Variants in SNX29 observed in about 807,000 individuals in gnomAD.
The protein encoded by SNX29 is sorting nexin-29.
Under a neutral mutation model 102.1 loss-of-function variants are expected in SNX29, and 78 were observed. The observed-to-expected ratio is 0.76, with a 90% CI of 0.64 to 0.92. The LOEUF (loss-of-function observed/expected upper bound fraction) is 0.92, where lower values mean the gene tolerates loss of function less well. SNX29 is among the 40% of genes least tolerant of loss of function. SNX29 has a pLI of 0.00. For missense variants in SNX29, 1,280 were observed against 1,061.7 expected, an observed-to-expected ratio of 1.21 and a Z score of -2.86; for synonymous variants, 580 against 414.5, an observed-to-expected ratio of 1.40 and a Z score of -4.85.
chr16:12,449,616 G>C (rs2086216321), intron 18 of SNX29, among the ~76,000 whole-genome samples: 1 of 152,174 alleles, frequency 6.6e-6, no homozygotes, highest in Admixed American at 6.5e-5. Context: ...CCGTGCTCCA[G>C]CTGTGCATCT....
intron 18 of SNX29, among the ~76,000 whole-genome samples, chr16:12,431,051 C>T (rs1038999237): frequency 9.2e-5 from 14 of 152,102 alleles, no homozygotes; most frequent in South Asian, 2.1e-4. Context: ...GGAGTTTCAC[C>T]GTGTTGGTCA....
chr16:12,468,148 C>T (rs2087151667), intron 18 of SNX29, among the ~76,000 whole-genome samples: 1 of 149,834 alleles, frequency 6.7e-6, no homozygotes, highest in South Asian at 2.1e-4. Flanking sequence ...GTTCCCCTTC[C>T]AGGACTGTCT....
chr16:12,129,934 C>G (rs2054384378), intron 13 of SNX29, among the ~76,000 whole-genome samples, 176 bp downstream of exon 13: 1 of 151,680 alleles, frequency 6.6e-6, no homozygotes, highest in Admixed American at 6.6e-5. Context: ...GAAACCCCGT[C>G]TCTACTAAAA....
chr16:12,315,351 C>G (rs770192913), intron 15 of SNX29, among the ~76,000 whole-genome samples: 1 of 152,176 alleles, frequency 6.6e-6, no homozygotes, highest in African/African-American at 2.4e-5. Context: ...CCTTGTGGAT[C>G]TAACGCCTCT....
At chr16:12,059,630 G>T (rs1442223649) in intron 8 of SNX29, among the ~76,000 whole-genome samples, 4 of 152,212 alleles carry the variant, frequency 2.6e-5, no homozygotes, top group African/African-American at 7.2e-5. Context: ...AATAGGAGCT[G>T]GCAATCCCTG....
chr16:12,371,072 C>G (rs189164845), intron 16 of SNX29, among the ~76,000 whole-genome samples: 1 of 152,294 alleles, frequency 6.6e-6, no homozygotes, highest in Admixed American at 6.5e-5. Flanking sequence ...TTTTGTTGAT[C>G]AGAGTTCAGA....
chr16:12,398,858 G>A (rs986668295), intron 17 of SNX29, among the ~76,000 whole-genome samples: 3 of 151,686 alleles, frequency 2.0e-5, no homozygotes, highest in African/African-American at 7.3e-5. Context: ...TTGCACAGGG[G>A]CATGTGCCGT....
chr16:12,388,021 A>G (rs908503243), intron 16 of SNX29, among the ~76,000 whole-genome samples: 1 of 152,186 alleles, frequency 6.6e-6, no homozygotes. Context: ...AATACACTCC[A>G]TGCGTGTGGT....
chr16:12,275,760 A>G (rs978997642), intron 14 of SNX29, among the ~76,000 whole-genome samples: 3 of 151,130 alleles, frequency 2.0e-5, no homozygotes, highest in Non-Finnish European at 4.4e-5. Flanking sequence ...TTTTTGACAC[A>G]TAATAAATTG....
At chr16:12,257,690 ATTTTTTT>A (rs33963423) in intron 14 of SNX29, among the ~76,000 whole-genome samples, 6 of 140,980 alleles carry the variant, frequency 4.3e-5, no homozygotes, top group Admixed American at 3.5e-4. Flanking sequence ...CTTATTTAAA[ATTTTTTT>A]TTTTTTTTTT....
At chr16:12,108,817 A>G (rs906587965) in intron 11 of SNX29, among the ~76,000 whole-genome samples, 5 of 152,088 alleles carry the variant, frequency 3.3e-5, no homozygotes, top group African/African-American at 9.7e-5. Flanking sequence ...ATAACAGAGT[A>G]CTTGAAGTTG....
intron 15 of SNX29, among the ~76,000 whole-genome samples, chr16:12,313,263 C>T (rs907093027): frequency 6.6e-6 from 1 of 152,180 alleles, no homozygotes; most frequent in Non-Finnish European, 1.5e-5. Flanking sequence ...ATCCACCTGC[C>T]TCGGCCTCCC....
At chr16:12,430,530 T>G (rs1310757163) in intron 18 of SNX29, among the ~76,000 whole-genome samples, 3 of 152,216 alleles carry the variant, frequency 2.0e-5, no homozygotes, top group Non-Finnish European at 4.4e-5. Flanking sequence ...AAGTTAACAT[T>G]CCTAACCTCA....
intron 15 of SNX29, among the ~76,000 whole-genome samples, chr16:12,345,598 CTG>C (rs756093768): frequency 1.3e-5 from 2 of 152,216 alleles, no homozygotes; most frequent in Non-Finnish European, 1.5e-5. Context: ...AAAACAGTAA[CTG>C]TTGTTGCCAC....
At chr16:12,481,513 GACACACACACACACACACACACAC>G (rs59650769) in intron 19 of SNX29, among the ~76,000 whole-genome samples, 14 of 125,572 alleles carry the variant, frequency 1.1e-4, no homozygotes, top group Non-Finnish European at 1.7e-4. Flanking sequence ...TATACATATA[GACACACACACACACACACACACAC>G]ACACACACAC....
rs539204851 is a variant in SNX29 at position 12,119,088 on chromosome 16, C to T, written c.1403-7545C>T. On this transcript the variant is annotated intron_variant, in intron 11 of 20. Coordinates refer to ENST00000566228, the MANE Select transcript of SNX29 (RefSeq NM_032167.5). ...TCTTGGACCTGTGTGGTAAGAACCT[C>T]AGTTTACAGTGTTTAAAAATCAGAT... Among the ~76,000 whole-genome samples the T allele has an allele frequency of 1.2e-4, 19 of 152,338 alleles. No individual in the cohort carries two copies. The East Asian group carries it at 3.5e-3, about 28-fold the overall frequency.
chr16:12,068,374 G>C (rs2051133193), intron 9 of SNX29, among the ~76,000 whole-genome samples: 1 of 151,722 alleles, frequency 6.6e-6, no homozygotes, highest in African/African-American at 2.4e-5. Context: ...GTCCCTCCCA[G>C]GTACTTGAGA....
chr16:12,535,686 C>A (rs527967669), intron 20 of SNX29, among the ~76,000 whole-genome samples: 1 of 152,302 alleles, frequency 6.6e-6, no homozygotes, highest in Admixed American at 6.5e-5. Context: ...CCAGGTCCTG[C>A]ATTGTAACTG....
chr16:12,470,522 G>T (rs919223130), intron 18 of SNX29, among the ~76,000 whole-genome samples: 8 of 152,174 alleles, frequency 5.3e-5, no homozygotes, highest in Non-Finnish European at 1.0e-4. Context: ...GCAGAGAGGT[G>T]CACCGAGCTT....
Sources: allele counts gnomAD v4.1 joint callset (sites outside exome capture counted in the v4.1 genomes callset), GRCh38; gene constraint gnomAD v4.1.1; transcripts MANE v1.5; gene names NCBI Gene and HGNC (gene_info 2026-07-23, HGNC 2026-07-21).